CCDC57: variants seen among roughly 807,000 people sequenced by gnomAD.
CCDC57 encodes coiled-coil domain-containing protein 57.
CCDC57 carries 118 observed loss-of-function variants against 118.9 expected under a neutral mutation model. The ratio of observed to expected loss-of-function variants is 0.99; its 90% CI spans 0.86 to 1.16. The LOEUF is 1.16. Among genes scored for constraint, CCDC57 ranks in the 50% most tolerant of loss-of-function variants. The pLI is 0.00. For synonymous variants in CCDC57, 527 were observed against 532.9 expected (o/e 0.99, Z 0.15); for missense variants, 1,300 against 1,320.7 (o/e 0.98, Z 0.24).
intron 19 of CCDC57, among the ~76,000 whole-genome samples, chr17:82,122,224 G>A (rs753848863): frequency 2.0e-5 from 3 of 152,228 alleles, no homozygotes; most frequent in Non-Finnish European, 4.4e-5. Context: ...GCATGTAAGA[G>A]GAAATGAAAG....
intron 13 of CCDC57, among the ~76,000 whole-genome samples, chr17:82,164,694 T>C (rs1482697721): frequency 6.6e-6 from 1 of 152,088 alleles, no homozygotes; most frequent in African/African-American, 2.4e-5. Context: ...AAATGGACAA[T>C]TTCTTAGTAA....
intron 15 of CCDC57, chr17:82,154,573 C>T (rs2042447965): frequency 6.5e-6 from 1 of 152,720 alleles, no homozygotes; most frequent in Non-Finnish European, 1.5e-5. Flanking sequence ...TGTGCAGGGT[C>T]CAGGGTCCCA....
At chr17:82,181,408 C>T (rs2146449894) in intron 9 of CCDC57, among the ~76,000 whole-genome samples, 1 of 152,366 alleles carries the variant, frequency 6.6e-6, no homozygotes, top group South Asian at 2.1e-4. Flanking sequence ...AGACCTGCCC[C>T]ACCTGCCCTC....
intron 16 of CCDC57, among the ~76,000 whole-genome samples, chr17:82,148,046 G>A (rs2041080931): frequency 4.0e-5 from 5 of 124,698 alleles, no homozygotes; most frequent in Non-Finnish European, 3.4e-5. Flanking sequence ...AGATGGATGG[G>A]TGGGTGGGTG....
chr17:82,197,482 T>G (rs912430108), intron 4 of CCDC57, among the ~76,000 whole-genome samples: 205 of 152,370 alleles, frequency 1.3e-3, no homozygotes, highest in African/African-American at 4.7e-3. Context: ...CTGCCACTTT[T>G]CAGTTGAAGC....
chr17:82,188,106 CTCTG>C, intron 8 of CCDC57, 109 bp downstream of exon 7: 1 of 811,488 alleles, frequency 1.2e-6, no homozygotes. Flanking sequence ...ACAGAAGCCA[CTCTG>C]TCTGCTGCCT....
At chr17:82,174,066 C>T (rs1364040530) in intron 11 of CCDC57, among the ~76,000 whole-genome samples, 1 of 152,260 alleles carries the variant, frequency 6.6e-6, no homozygotes, top group Non-Finnish European at 1.5e-5. Context: ...TGGCCCAACT[C>T]AACCTTGAGT....
chr17:82,146,772 C>T, intron 16 of CCDC57, among the ~76,000 whole-genome samples: 1 of 152,318 alleles, frequency 6.6e-6, no homozygotes, highest in South Asian at 2.1e-4. Flanking sequence ...CACACAGTCT[C>T]ACATACAAAT....
chr17:82,122,502 G>A (rs2036860806), intron 19 of CCDC57, among the ~76,000 whole-genome samples: 1 of 152,220 alleles, frequency 6.6e-6, no homozygotes, highest in Admixed American at 6.5e-5. Flanking sequence ...GGTCGCTCTA[G>A]GACTCGGTCC....
At chr17:82,136,367 C>T (rs548268111) in intron 16 of CCDC57, among the ~76,000 whole-genome samples, 3 of 152,172 alleles carry the variant, frequency 2.0e-5, no homozygotes, top group African/African-American at 7.2e-5. Flanking sequence ...TGAAGTGAAA[C>T]GTCCAGAACA....
At chr17:82,115,196 G>C (rs1166756110) in intron 19 of CCDC57, among the ~76,000 whole-genome samples, 1 of 151,802 alleles carries the variant, frequency 6.6e-6, no homozygotes, top group Admixed American at 6.6e-5. Context: ...AACCACTGGG[G>C]CCGAGCAGGG....
At chr17:82,147,022 C>T (rs750792767) in intron 16 of CCDC57, among the ~76,000 whole-genome samples, 2 of 152,150 alleles carry the variant, frequency 1.3e-5, no homozygotes, top group Admixed American at 1.3e-4. Flanking sequence ...TTGGGCCTGG[C>T]GACATAGGAA....
intron 19 of CCDC57, among the ~76,000 whole-genome samples, chr17:82,114,254 A>G (rs1192538157): frequency 6.6e-6 from 1 of 152,142 alleles, no homozygotes; most frequent in Non-Finnish European, 1.5e-5. Flanking sequence ...TCCTGAACGA[A>G]ATGAACGAAA....
intron 14 of CCDC57, among the ~76,000 whole-genome samples, chr17:82,159,674 CTTT>C (rs67809116): frequency 3.7e-4 from 52 of 142,406 alleles, no homozygotes; most frequent in Admixed American, 5.6e-4. Context: ...TTGTCATTTT[CTTT>C]TTTTTTTTTT....
intron 7 of CCDC57, among the ~76,000 whole-genome samples, chr17:82,193,133 A>C (rs1376604566): frequency 1.3e-5 from 2 of 152,168 alleles, no homozygotes; most frequent in Non-Finnish European, 2.9e-5. Flanking sequence ...ATCATGGCTC[A>C]CTGCAGCCTC....
chr17:82,112,560 T>G (rs1335082467), intron 19 of CCDC57: 1 of 152,362 alleles, frequency 6.6e-6, no homozygotes, highest in Non-Finnish European at 1.5e-5. Flanking sequence ...GAGAACCCTG[T>G]GCAGATTTCT....
At chr17:82,187,008 G>A (rs1432979800) in intron 8 of CCDC57, among the ~76,000 whole-genome samples, 1 of 152,008 alleles carries the variant, frequency 6.6e-6, no homozygotes, top group East Asian at 1.9e-4. Flanking sequence ...GGAGGCCGAG[G>A]CAGGGGGATC....
intron 16 of CCDC57, among the ~76,000 whole-genome samples, chr17:82,137,799 G>A (rs897742865): frequency 2.7e-5 from 4 of 150,436 alleles, no homozygotes; most frequent in Non-Finnish European, 4.4e-5. Context: ...TCAGCCTCCC[G>A]GGTAGCTGGG....
At chr17:82,179,461 G>A (rs948091325) in intron 9 of CCDC57, among the ~76,000 whole-genome samples, 2 of 152,212 alleles carry the variant, frequency 1.3e-5, no homozygotes, top group African/African-American at 2.4e-5. Context: ...CAGCATGCAG[G>A]GAGAGGGAGG....
Sources: allele counts gnomAD v4.1 joint callset (sites outside exome capture counted in the v4.1 genomes callset), GRCh38; gene constraint gnomAD v4.1.1; transcripts MANE v1.5; gene names NCBI Gene and HGNC (gene_info 2026-07-23, HGNC 2026-07-21).